ARB2A: variants seen among roughly 807,000 people sequenced by gnomAD.
The protein encoded by ARB2A is cotranscriptional regulator ARB2A.
At chr5:93,910,992 G>T in the ARB2A span, 2 of 151,436 alleles carry the variant, frequency 1.3e-5, no homozygotes, top group Admixed American at 6.6e-5. Context: ...TTTACTACAT[G>T]TAAGATAAGT....
chr5:93,805,961 A>T, the ARB2A span: 4 of 983,678 alleles, frequency 4.1e-6, no homozygotes, highest in Admixed American at 1.9e-4. Context: ...GAGGTAAAAG[A>T]GCTCTCCTCC....
the ARB2A span, among the ~76,000 whole-genome samples, chr5:93,905,808 G>C: frequency 6.6e-6 from 1 of 151,470 alleles, no homozygotes; most frequent in African/African-American, 2.4e-5. Context: ...GATTTCAATA[G>C]AATTATTGGT....
At chr5:93,823,747 G>A in the ARB2A span, among the ~76,000 whole-genome samples, 1 of 152,248 alleles carries the variant, frequency 6.6e-6, no homozygotes. Flanking sequence ...ACGAGGTCAG[G>A]AGATTGAGAA....
chr5:93,986,632 A>G, the ARB2A span, among the ~76,000 whole-genome samples: 3 of 152,234 alleles, frequency 2.0e-5, no homozygotes, highest in African/African-American at 7.2e-5. Flanking sequence ...CTATGTAGAA[A>G]GAAGTAGACA....
the ARB2A span, among the ~76,000 whole-genome samples, chr5:93,858,356 T>C: frequency 2.0e-5 from 3 of 152,208 alleles, no homozygotes; most frequent in Admixed American, 1.3e-4. Context: ...CAATGAGCCA[T>C]TCTTTGTCAG....
the ARB2A span, among the ~76,000 whole-genome samples, chr5:93,809,792 G>A: frequency 2.6e-5 from 4 of 151,932 alleles, no homozygotes; most frequent in African/African-American, 9.7e-5. Flanking sequence ...TATTCACAGT[G>A]AAATGTAAAC....
the ARB2A span, among the ~76,000 whole-genome samples, chr5:93,977,745 C>A: frequency 6.6e-6 from 1 of 152,034 alleles, no homozygotes; most frequent in Non-Finnish European, 1.5e-5. Context: ...GCAAATGCAA[C>A]AAAAACAAAA....
the ARB2A span, among the ~76,000 whole-genome samples, chr5:93,804,186 G>A: frequency 6.6e-6 from 1 of 151,892 alleles, no homozygotes; most frequent in Admixed American, 6.6e-5. Context: ...TACAAATTTT[G>A]TTTTGCGTAT....
At chr5:93,937,255 A>C in the ARB2A span, among the ~76,000 whole-genome samples, 1 of 150,636 alleles carries the variant, frequency 6.6e-6, no homozygotes, top group Admixed American at 6.6e-5. Flanking sequence ...AATTGCGTGT[A>C]TGTGTGTCTG....
the ARB2A span, among the ~76,000 whole-genome samples, chr5:93,626,011 AT>A: frequency 6.6e-6 from 1 of 152,182 alleles, no homozygotes; most frequent in Non-Finnish European, 1.5e-5. Flanking sequence ...GTTTAGAAGT[AT>A]TTTTGCGGGG....
the ARB2A span, among the ~76,000 whole-genome samples, chr5:93,774,466 TGCTACTCA>T: frequency 6.6e-6 from 1 of 152,226 alleles, no homozygotes; most frequent in Admixed American, 6.5e-5. Flanking sequence ...AAATTAAAAG[TGCTACTCA>T]TGGGCAGAAT....
At chr5:94,012,218 C>T in the ARB2A span, among the ~76,000 whole-genome samples, 6 of 152,144 alleles carry the variant, frequency 3.9e-5, no homozygotes, top group South Asian at 2.1e-4. Flanking sequence ...CTGGCTAACA[C>T]GGTGAAACCC....
At chr5:94,013,033 A>C in the ARB2A span, among the ~76,000 whole-genome samples, 1 of 152,074 alleles carries the variant, frequency 6.6e-6, no homozygotes, top group African/African-American at 2.4e-5. Flanking sequence ...ATTCTGGGAG[A>C]GTTAGTATGA....
At chr5:93,743,632 A>T in the ARB2A span, 1 of 721,568 alleles carries the variant, frequency 1.4e-6, no homozygotes, top group Non-Finnish European at 1.7e-6. Flanking sequence ...AGCAATATAT[A>T]TGCTAAGGTC....
chr5:93,750,153 G>C, the ARB2A span, among the ~76,000 whole-genome samples: 1 of 152,148 alleles, frequency 6.6e-6, no homozygotes, highest in Non-Finnish European at 1.5e-5. Context: ...GTTGTTTCTT[G>C]CCTCAAGAGA....
At chr5:93,992,316 A>G in the ARB2A span, among the ~76,000 whole-genome samples, 1 of 152,082 alleles carries the variant, frequency 6.6e-6, no homozygotes, top group South Asian at 2.1e-4. Flanking sequence ...CCAGATATAG[A>G]GAGAAGTAGA....
At chr5:93,816,742 T>C in the ARB2A span, among the ~76,000 whole-genome samples, 2 of 152,180 alleles carry the variant, frequency 1.3e-5, no homozygotes, top group Non-Finnish European at 2.9e-5. Context: ...CAATAGAATC[T>C]TGGTGTGCAT....
At chr5:93,892,133 A>G in the ARB2A span, among the ~76,000 whole-genome samples, 1 of 152,198 alleles carries the variant, frequency 6.6e-6, no homozygotes. Context: ...TAATTTGAAA[A>G]GGTGTTGAAG....
chr5:94,108,376 AT>A, the ARB2A span, among the ~76,000 whole-genome samples: 67 of 148,524 alleles, frequency 4.5e-4, no homozygotes, highest in African/African-American at 5.7e-4. Flanking sequence ...AAGATGGTGT[AT>A]TTTTTTTTTT....
Sources: gnomAD v4.1 joint callset for allele counts (sites outside exome capture counted in the v4.1 genomes callset) on GRCh38, gnomAD v4.1.1 for gene constraint, MANE v1.5 for transcripts, NCBI Gene and HGNC (gene_info 2026-07-23, HGNC 2026-07-21) for gene names.